The following EDA variants were observed in gnomAD, a reference collection of about 807,000 sequenced individuals.
EDA encodes ectodysplasin A, also known as ectodysplasin-A.
In EDA, 2 loss-of-function variants were observed where a neutral mutation model predicts 23.6. That is an observed-to-expected ratio of 0.08 (90% confidence interval 0.03 to 0.27). The LOEUF is 0.27. Ranked by LOEUF, EDA falls within the 10% of genes least tolerant of loss-of-function variation. EDA has a pLI of 1.00. For missense variants in EDA, 229 were observed against 324.2 expected (o/e 0.71, Z 2.26); for synonymous variants, 131 against 132.0 (o/e 0.99, Z 0.05).
At chrX:69,726,930 A>G (rs1288232932) in intron 1 of EDA, among the ~76,000 whole-genome samples, 1 of 112,413 alleles carries the variant, frequency 8.9e-6, no homozygotes, top group Admixed American at 9.4e-5. Context: ...GCAGACGGCT[A>G]CGTGTTAAAC....
chrX:70,035,309 C>T, intron 7 of EDA, 49 bp from the exon 8 acceptor site: 2 of 1,189,415 alleles, frequency 1.7e-6, no homozygotes, highest in Non-Finnish European at 2.3e-6. Flanking sequence ...GGGCCCCCCA[C>T]CCTCTCTTTC....
At chrX:70,031,680 C>T (rs2020202062) in intron 6 of EDA, among the ~76,000 whole-genome samples, 1 of 112,472 alleles carries the variant, frequency 8.9e-6, no homozygotes, top group South Asian at 3.7e-4. Flanking sequence ...ACTGCCACCT[C>T]CATGTCTGAC....
intron 1 of EDA, among the ~76,000 whole-genome samples, chrX:69,703,268 C>A (rs915398965): frequency 1.8e-5 from 2 of 111,385 alleles, no homozygotes; most frequent in African/African-American, 6.5e-5. Flanking sequence ...CCCTGTTAAC[C>A]AGGCTCCCAG....
chrX:69,710,659 G>T (rs371162694), intron 1 of EDA, among the ~76,000 whole-genome samples: 11 of 111,455 alleles, frequency 9.9e-5, no homozygotes, highest in East Asian at 5.7e-4. Context: ...TATCCTCTTT[G>T]ATTTCATTGA....
chrX:70,028,242 G>A (rs1283769408), intron 4 of EDA, among the ~76,000 whole-genome samples: 1 of 111,307 alleles, frequency 9.0e-6, no homozygotes, highest in Non-Finnish European at 1.9e-5. Context: ...CTACCAAACT[G>A]TCAAGGACAG....
At chrX:69,816,104 C>T (rs2016075724) in intron 1 of EDA, among the ~76,000 whole-genome samples, 1 of 111,333 alleles carries the variant, frequency 9.0e-6, no homozygotes, top group Non-Finnish European at 1.9e-5. Flanking sequence ...CATGGCAGCC[C>T]TGAGGTAGAG....
intron 1 of EDA, among the ~76,000 whole-genome samples, chrX:69,710,517 A>C (rs1388353211): frequency 9.9e-5 from 11 of 111,066 alleles, no homozygotes; most frequent in African/African-American, 3.6e-4. Flanking sequence ...GTTTTTTCCA[A>C]TTCTGTGAAG....
chrX:69,640,324 A>G (rs2147229770), intron 1 of EDA, among the ~76,000 whole-genome samples: 1 of 112,319 alleles, frequency 8.9e-6, no homozygotes, highest in Non-Finnish European at 1.9e-5. Flanking sequence ...TGTTGTAAGA[A>G]TTAAATGAAA....
At chrX:69,747,203 A>T (rs1255586920) in intron 1 of EDA, among the ~76,000 whole-genome samples, 1 of 112,207 alleles carries the variant, frequency 8.9e-6, no homozygotes, top group African/African-American at 3.2e-5. Flanking sequence ...GATGGAAAGG[A>T]TACTCATGAT....
intron 1 of EDA, among the ~76,000 whole-genome samples, chrX:69,938,234 G>A (rs925512482): frequency 8.1e-5 from 9 of 110,843 alleles, no homozygotes; most frequent in Non-Finnish European, 1.1e-4. Flanking sequence ...GCACCACACC[G>A]TGGTGCGCTG....
At chrX:69,929,161 A>G (rs1007713399) in intron 1 of EDA, among the ~76,000 whole-genome samples, 1 of 111,216 alleles carries the variant, frequency 9.0e-6, no homozygotes, top group African/African-American at 3.3e-5. Flanking sequence ...CTATTTCAGC[A>G]GTTACCATTA....
chrX:69,621,372 A>T (rs1218295185), intron 1 of EDA, among the ~76,000 whole-genome samples: 1 of 112,036 alleles, frequency 8.9e-6, no homozygotes, highest in Non-Finnish European at 1.9e-5. Context: ...AGTATAACTC[A>T]TACACAGAAA....
chrX:69,770,482 G>C (rs188614101), intron 1 of EDA, among the ~76,000 whole-genome samples: 46 of 111,966 alleles, frequency 4.1e-4, no homozygotes, highest in African/African-American at 1.5e-3. Context: ...TTTTCTAATG[G>C]CTAATGTGGC....
At chrX:69,655,228 T>C (rs1314974566) in intron 1 of EDA, among the ~76,000 whole-genome samples, 1 of 111,294 alleles carries the variant, frequency 9.0e-6, no homozygotes. Context: ...AAACCCCGTC[T>C]CTACTAAAAA....
intron 1 of EDA, among the ~76,000 whole-genome samples, chrX:69,684,594 A>T (rs2147289438): frequency 8.9e-6 from 1 of 112,276 alleles, no homozygotes; most frequent in African/African-American, 3.2e-5. Context: ...TTCCTGAGTT[A>T]CAATCAAGAT....
intron 1 of EDA, among the ~76,000 whole-genome samples, chrX:69,647,888 T>G (rs957329399): frequency 1.8e-5 from 2 of 111,885 alleles, no homozygotes; most frequent in African/African-American, 6.5e-5. Flanking sequence ...TTTTTGTTGA[T>G]GTTGTTATTG....
intron 2 of EDA, among the ~76,000 whole-genome samples, chrX:69,982,173 G>C (rs1385901981): frequency 9.0e-6 from 1 of 111,433 alleles, no homozygotes; most frequent in Non-Finnish European, 1.9e-5. Context: ...GTGCGTGTGG[G>C]GAAAATGTTG....
At chrX:69,786,202 T>TA (rs2015165570) in intron 1 of EDA, among the ~76,000 whole-genome samples, 1 of 111,735 alleles carries the variant, frequency 8.9e-6, no homozygotes, top group Admixed American at 9.5e-5. Flanking sequence ...TTAGTCTTGC[T>TA]AGCGGTCTAT....
intron 1 of EDA, among the ~76,000 whole-genome samples, chrX:69,787,088 G>C (rs1330443260): frequency 2.9e-5 from 3 of 103,169 alleles, no homozygotes; most frequent in Non-Finnish European, 4.0e-5. Flanking sequence ...TTTGAAGTCT[G>C]TTTTATCAGA....
Sources: gnomAD v4.1 joint callset for allele counts (sites outside exome capture counted in the v4.1 genomes callset) on GRCh38, gnomAD v4.1.1 for gene constraint, MANE v1.5 for transcripts, NCBI Gene and HGNC (gene_info 2026-07-23, HGNC 2026-07-21) for gene names.